GUCY1A2: variants seen among roughly 807,000 people sequenced by gnomAD.
The protein encoded by GUCY1A2 is guanylate cyclase soluble subunit alpha-2.
In GUCY1A2, 27 loss-of-function variants were observed where a neutral mutation model predicts 63.5. The observed-to-expected ratio is 0.43, with a 90% CI of 0.31 to 0.59. The LOEUF is 0.59. GUCY1A2 is among the 20% of genes least tolerant of loss of function. The pLI is 0.11. For synonymous variants in GUCY1A2, 364 were observed against 343.5 expected (o/e 1.06, Z -0.66); for missense variants, 768 against 913.3 (o/e 0.84, Z 2.05).
intron 1 of GUCY1A2, among the ~76,000 whole-genome samples, chr11:106,993,443 T>C (rs949455826): frequency 4.6e-5 from 7 of 152,138 alleles, no homozygotes. Context: ...GGAGAGGTAA[T>C]TGTGTAGTCA....
At chr11:106,872,917 C>T (rs543220200) in intron 4 of GUCY1A2, among the ~76,000 whole-genome samples, 2 of 152,218 alleles carry the variant, frequency 1.3e-5, no homozygotes, top group South Asian at 2.1e-4. Flanking sequence ...AGTTCCCTCC[C>T]CTCGCCTCCC....
At chr11:106,896,200 T>C (rs1414592112) in intron 4 of GUCY1A2, among the ~76,000 whole-genome samples, 2 of 151,816 alleles carry the variant, frequency 1.3e-5, no homozygotes, top group Non-Finnish European at 2.9e-5. Context: ...ATCACATCAA[T>C]AGGCTAAAGA....
Position 106,793,398 on chromosome 11 carries a change from T to C in GUCY1A2, c.1692+16595A>G, listed in dbSNP as rs1565291607. On this transcript the variant is annotated intron_variant, in intron 5 of 7. Coordinates refer to ENST00000526355, the MANE Select transcript of GUCY1A2 (RefSeq NM_000855.3). Reference sequence around the variant, plus strand: ...GTGAGTCCCAAAACTGTAAAACTTTTAGCTAAAAACATAAGGACAAAGCTC... The same window carrying C: ...GTGAGTCCCAAAACTGTAAAACTTTCAGCTAAAAACATAAGGACAAAGCTC... Among the ~76,000 whole-genome samples, 3 of 152,142 alleles carry C rather than the reference T, an allele frequency of 2.0e-5. No individual in the cohort carries two copies. The East Asian group carries it at 5.8e-4, about 29-fold the overall frequency.
chr11:106,776,588 G>T lies in GUCY1A2; in HGVS notation c.1693-6C>A. 6.2e-7 allele frequency: 1 copy of T among 1,612,148 alleles called. No individual in the cohort carries two copies. The highest frequency in any genetic ancestry group is 1.3e-5 in the African/African-American group (1 of 74,984). On this transcript the variant is annotated splice_polypyrimidine_tract_variant and splice_region_variant and intron_variant, in intron 5 of 7. Transcript: ENST00000526355. ...GCATCACCTATTGTTTCCACCTGCA[G>T]CAATCAGACAAATCAAATGCAAACG...
chr11:106,875,252 G>A (rs1859734055), intron 4 of GUCY1A2, among the ~76,000 whole-genome samples: 1 of 152,100 alleles, frequency 6.6e-6, no homozygotes, highest in African/African-American at 2.4e-5. Context: ...ACAAAGTCAG[G>A]CAGCTGAAGG....
intron 5 of GUCY1A2, among the ~76,000 whole-genome samples, chr11:106,803,403 G>A (rs925404985): frequency 6.6e-6 from 1 of 151,992 alleles, no homozygotes; most frequent in African/African-American, 2.4e-5. Context: ...TTCCTTCACA[G>A]TCTTTGGCAT....
At chr11:106,834,257 T>C (rs1859089038) in intron 4 of GUCY1A2, among the ~76,000 whole-genome samples, 1 of 152,028 alleles carries the variant, frequency 6.6e-6, no homozygotes, top group Admixed American at 6.6e-5. Context: ...ACTATTTGCT[T>C]CTATGTATTA....
chr11:106,950,693 G>A (rs1477554278), intron 3 of GUCY1A2, among the ~76,000 whole-genome samples: 1 of 152,184 alleles, frequency 6.6e-6, no homozygotes, highest in African/African-American at 2.4e-5. Context: ...AGGAAAGCAT[G>A]ATTTCCACAT....
At chr11:106,927,572 C>CT (rs200339909) in intron 4 of GUCY1A2, among the ~76,000 whole-genome samples, 7,009 of 146,650 alleles carry the variant, frequency 0.048, 632 homozygotes, top group East Asian at 0.3. Context: ...TGGAATAAGT[C>CT]TTTTTTTTTT....
intron 4 of GUCY1A2, among the ~76,000 whole-genome samples, chr11:106,900,241 C>T (rs571171827): frequency 6.6e-6 from 1 of 152,070 alleles, no homozygotes; most frequent in Non-Finnish European, 1.5e-5. Context: ...TGGAGTACAG[C>T]GGCACTATAT....
chr11:106,914,021 A>G (rs908385479), intron 4 of GUCY1A2, among the ~76,000 whole-genome samples: 6 of 151,236 alleles, frequency 4.0e-5, no homozygotes, highest in African/African-American at 1.2e-4. Context: ...AGAAAGAAAA[A>G]GAAAGAGAGA....
intron 6 of GUCY1A2, among the ~76,000 whole-genome samples, chr11:106,775,476 C>T (rs758822638): frequency 1.1e-5 from 1 of 92,624 alleles, no homozygotes; most frequent in East Asian, 2.8e-4. Flanking sequence ...TCACCAATTA[C>T]GTTTTTTTTT....
At chr11:106,691,047 A>G (rs1862614930) in intron 7 of GUCY1A2, among the ~76,000 whole-genome samples, 1 of 152,200 alleles carries the variant, frequency 6.6e-6, no homozygotes, top group Non-Finnish European at 1.5e-5. Context: ...AGCAGTTTTA[A>G]TTTAGCAGTG....
At chr11:106,875,834 C>T (rs1565317264) in intron 4 of GUCY1A2, among the ~76,000 whole-genome samples, 2 of 151,894 alleles carry the variant, frequency 1.3e-5, no homozygotes, top group African/African-American at 2.4e-5. Context: ...TATATCTATG[C>T]TTTTTTTATC....
chr11:106,785,558 G>A (rs1394981218), intron 5 of GUCY1A2, among the ~76,000 whole-genome samples: 1 of 151,532 alleles, frequency 6.6e-6, no homozygotes, highest in Non-Finnish European at 1.5e-5. Context: ...CTGGACCTGA[G>A]TACAGTATCA....
chr11:106,818,652 G>A (rs911192284), intron 4 of GUCY1A2, among the ~76,000 whole-genome samples: 4 of 152,128 alleles, frequency 2.6e-5, no homozygotes, highest in African/African-American at 4.8e-5. Context: ...AAGGCATGTC[G>A]AAAGCTGAGA....
At chr11:106,769,563 A>G (rs1864220150) in intron 6 of GUCY1A2, among the ~76,000 whole-genome samples, 2 of 152,298 alleles carry the variant, frequency 1.3e-5, no homozygotes, top group South Asian at 4.1e-4. Context: ...TTAAAAACAA[A>G]CACATTTATA....
At chr11:106,758,431 TC>T (rs1864010469) in intron 6 of GUCY1A2, among the ~76,000 whole-genome samples, 1 of 152,018 alleles carries the variant, frequency 6.6e-6, no homozygotes, top group Non-Finnish European at 1.5e-5. Context: ...GAAAGGGAAA[TC>T]CCCCACCCCT....
chr11:106,849,131 G>T (rs542188316), intron 4 of GUCY1A2, among the ~76,000 whole-genome samples: 16 of 151,250 alleles, frequency 1.1e-4, no homozygotes, highest in Admixed American at 3.3e-4. Flanking sequence ...TAATTTTCTG[G>T]ATTACTGATA....
Sources: allele counts gnomAD v4.1 joint callset (sites outside exome capture counted in the v4.1 genomes callset), GRCh38; gene constraint gnomAD v4.1.1; transcripts MANE v1.5; gene names NCBI Gene and HGNC (gene_info 2026-07-23, HGNC 2026-07-21).